The following BMS1 variants were observed in gnomAD, a reference collection of about 807,000 sequenced individuals.
The protein encoded by BMS1 is BMS1 ribosome biogenesis factor.
Under a neutral mutation model 138.7 loss-of-function variants are expected in BMS1, and 53 were observed. The observed-to-expected ratio is 0.38, with a 90% CI of 0.31 to 0.48. BMS1 has a LOEUF of 0.48. Ranked by LOEUF, BMS1 falls within the 20% of genes least tolerant of loss-of-function variation. BMS1 has a pLI of 0.97. For synonymous variants in BMS1, 504 were observed against 539.9 expected (o/e 0.93, Z 0.92); for missense variants, 1,360 against 1,565.5 (o/e 0.87, Z 2.22).
chr10:42,823,058 A>G, intron 19 of BMS1, 60 bp from the exon 20 acceptor site: 2 of 1,352,864 alleles, frequency 1.5e-6, no homozygotes, highest in Non-Finnish European at 1.9e-6. Flanking sequence ...TTGAAGTAAG[A>G]AGTAAAGCAT....
chr10:42,793,770 AT>A (rs960594772), intron 8 of BMS1, 81 bp from the exon 9 acceptor site: 1 of 1,480,660 alleles, frequency 6.8e-7, no homozygotes, highest in Non-Finnish European at 9.1e-7. Context: ...GTCTAAGATA[AT>A]TTTGAGAAAC....
At chr10:42,801,257 T>G (rs1841869183) in intron 12 of BMS1, among the ~76,000 whole-genome samples, 1 of 152,222 alleles carries the variant, frequency 6.6e-6, no homozygotes, top group Non-Finnish European at 1.5e-5. Context: ...ATCTTACTCA[T>G]TCTTCCACTG....
chr10:42,802,027 C>T, intron 12 of BMS1, 110 bp from the exon 13 acceptor site: 1 of 729,864 alleles, frequency 1.4e-6, no homozygotes, highest in Non-Finnish European at 2.3e-6. Context: ...TGAGAATATC[C>T]ATGAAAGTGG....
intron 12 of BMS1, among the ~76,000 whole-genome samples, chr10:42,800,558 G>A (rs904645131): frequency 3.6e-5 from 5 of 137,932 alleles, no homozygotes; most frequent in African/African-American, 5.5e-5. Flanking sequence ...ATGGAGTTTC[G>A]CTCTGTCGCC....
Position 42,793,098 on chromosome 10 carries a change from A to G in BMS1, c.1043A>G (p.Asp348Gly), listed in dbSNP as rs779712452. Residue 348 changes from aspartate to glycine, a missense_variant, in exon 8 of 23, where the codon GAC becomes GGC. By Grantham distance (94) the Asp-to-Gly change is moderately conservative. Coordinates refer to ENST00000374518, the MANE Select transcript of BMS1 (RefSeq NM_014753.4). Reference protein sequence around the residue: ...PLSGVGGVLYDKDAVYVDLGG... With the variant: ...PLSGVGGVLYGKDAVYVDLGG... ...TCTGGAGTTGGGGGTGTGCTGTATGACAAAGACGCTGTCTATGTTGACCTT... is the reference window on the plus strand; with the variant it reads ...TCTGGAGTTGGGGGTGTGCTGTATGGCAAAGACGCTGTCTATGTTGACCTT... 3 of 1,613,854 alleles carry G rather than the reference A, an allele frequency of 1.9e-6. No homozygotes were observed. The Admixed American group carries it at 5.0e-5, about 27-fold the overall frequency.
intron 12 of BMS1, among the ~76,000 whole-genome samples, chr10:42,799,706 A>G (rs1841810090): frequency 6.6e-6 from 1 of 152,284 alleles, no homozygotes; most frequent in Non-Finnish European, 1.5e-5. Context: ...TTTGCTGCTC[A>G]ATTGTGACAC....
At chr10:42,803,086 G>A (rs1054240397) in intron 13 of BMS1, among the ~76,000 whole-genome samples, 37 of 152,072 alleles carry the variant, frequency 2.4e-4, no homozygotes, top group African/African-American at 8.7e-4. Context: ...CTATGGTGTG[G>A]TCATGGCCCA....
At chr10:42,787,141 G>T (rs1841359977) in intron 3 of BMS1, 27 bp from the exon 4 acceptor site, 1 of 799,950 alleles carries the variant, frequency 1.3e-6, no homozygotes, top group South Asian at 1.5e-5. Context: ...TCTTTTTAAA[G>T]TAAAATTTTC....
intron 21 of BMS1, among the ~76,000 whole-genome samples, chr10:42,827,865 C>T (rs1232357557): frequency 6.6e-6 from 1 of 152,084 alleles, no homozygotes; most frequent in Non-Finnish European, 1.5e-5. Context: ...GGCATCACTC[C>T]CTCTTAAACT....
In BMS1 at chr10:42,796,592, A is replaced by G; in HGVS notation, c.1348A>G (p.Met450Val). 6.2e-7 allele frequency: 1 copy of G among 1,614,176 alleles called. No individual in the cohort carries two copies. The highest frequency in any genetic ancestry group is 8.5e-7 in the Non-Finnish European group (1 of 1,180,030). ...GDSDDEEDDE[M>V]SEDDGLENGS... ...TAGTGATGATGAAGAAGATGATGAA[A>G]TGTCTGAAGATGACGGGTTGGAAAA... is the stretch of plus-strand genomic sequence containing the variant. The change falls in exon 10 of 23, where the codon ATG becomes GTG. Residue 450 changes from methionine to valine, a missense_variant. Met to Val is a conservative substitution (Grantham distance 21, BLOSUM62 1). Transcript: ENST00000374518.
At chr10:42,788,979 T>G (rs1327655232) in intron 4 of BMS1, among the ~76,000 whole-genome samples, 2 of 152,244 alleles carry the variant, frequency 1.3e-5, no homozygotes, top group African/African-American at 4.8e-5. Context: ...TAATATAATA[T>G]TCCATTCTAT....
intron 12 of BMS1, among the ~76,000 whole-genome samples, chr10:42,800,435 CTT>C (rs1245102720): frequency 1.3e-5 from 2 of 151,542 alleles, no homozygotes; most frequent in Non-Finnish European, 2.9e-5. Flanking sequence ...AATCATTTCT[CTT>C]TATGTATTAG....
At chr10:42,800,907 A>G (rs1381802674) in intron 12 of BMS1, among the ~76,000 whole-genome samples, 3 of 152,186 alleles carry the variant, frequency 2.0e-5, no homozygotes, top group African/African-American at 4.8e-5. Context: ...TGTCATGGAT[A>G]TAAATGTAGT....
chr10:42,796,394 T>G, intron 9 of BMS1, 80 bp from the exon 10 acceptor site: 1 of 1,388,744 alleles, frequency 7.2e-7, no homozygotes, highest in East Asian at 2.4e-5. Context: ...TTCTTTGTAT[T>G]TTCATTGACT....
chr10:42,803,866 C>A (rs949666124), intron 13 of BMS1, among the ~76,000 whole-genome samples: 1 of 152,138 alleles, frequency 6.6e-6, no homozygotes, highest in Admixed American at 6.5e-5. Flanking sequence ...TTTGTCACCC[C>A]CACAGTTTTC....
intron 13 of BMS1, among the ~76,000 whole-genome samples, chr10:42,809,475 G>A (rs1359518662): frequency 2.6e-5 from 4 of 151,864 alleles, no homozygotes; most frequent in African/African-American, 9.7e-5. Context: ...TGCTCAGGCT[G>A]GTCTCAAACT....
chr10:42,811,105 C>T (rs1010247721), intron 13 of BMS1, among the ~76,000 whole-genome samples: 3 of 151,198 alleles, frequency 2.0e-5, no homozygotes, highest in Non-Finnish European at 3.0e-5. Flanking sequence ...TGCAGTGGCA[C>T]GTTCTTGGCT....
chr10:42,796,893 G>A lies in BMS1; in HGVS notation c.1649G>A (p.Gly550Glu). ...SKAAGEGSKA[G>E]LSPANCQSDR... ...GCTGCTGGAGAAGGTAGTAAAGCAG[G>A]GCTGTCACCAGCTAATTGCCAGAGT... The change falls in exon 10 of 23, where the codon GGG becomes GAG. Residue 550 changes from glycine (G) to glutamate (E), a missense_variant. By Grantham distance (98) the Gly-to-Glu change is moderately conservative (BLOSUM62 -2). Coordinates refer to ENST00000374518, the MANE Select transcript of BMS1 (RefSeq NM_014753.4). The A allele has an allele frequency of 6.2e-7, 1 of 1,614,174 alleles. No homozygotes were observed. The highest frequency in any genetic ancestry group is 8.5e-7 in the Non-Finnish European group (1 of 1,180,036).
At chr10:42,793,722 T>C (rs1841585177) in intron 8 of BMS1, 130 bp from the exon 9 acceptor site, 10 of 1,110,228 alleles carry the variant, frequency 9.0e-6, no homozygotes, top group Non-Finnish European at 1.3e-5. Context: ...TTTTCTTCTC[T>C]GCTTTTTGAG....
Sources: allele counts gnomAD v4.1 joint callset (sites outside exome capture counted in the v4.1 genomes callset), GRCh38; gene constraint gnomAD v4.1.1; transcripts MANE v1.5; gene names NCBI Gene and HGNC (gene_info 2026-07-23, HGNC 2026-07-21).